Variants in MOB3B observed in about 807,000 individuals in gnomAD.
The protein encoded by MOB3B is MOB kinase activator-like 2B.
MOB3B carries 7 observed loss-of-function variants against 18.7 expected under a neutral mutation model. The ratio of observed to expected loss-of-function variants is 0.37; its 90% CI spans 0.21 to 0.70. MOB3B has a LOEUF of 0.70. Among genes scored for constraint, MOB3B ranks in the 30% least tolerant of loss-of-function variants. The pLI is 0.52. For synonymous variants in MOB3B, 111 were observed against 99.9 expected (o/e 1.11, Z -0.66); for missense variants, 253 against 281.3 (o/e 0.90, Z 0.72).
chr9:27,485,743 C>G (rs1312516354), intron 1 of MOB3B, among the ~76,000 whole-genome samples: 1 of 152,176 alleles, frequency 6.6e-6, no homozygotes, highest in East Asian at 1.9e-4. Context: ...CCCTTGTTCT[C>G]TTCTGTGTTT....
At chr9:27,368,708 G>A (rs968476425) in intron 2 of MOB3B, among the ~76,000 whole-genome samples, 2 of 152,134 alleles carry the variant, frequency 1.3e-5, no homozygotes, top group African/African-American at 4.8e-5. Flanking sequence ...TATCATGGTG[G>A]TTGGGCCAAA....
At chr9:27,415,138 G>A (rs2131405544) in intron 2 of MOB3B, among the ~76,000 whole-genome samples, 1 of 152,270 alleles carries the variant, frequency 6.6e-6, no homozygotes, top group East Asian at 1.9e-4. Context: ...TAGGATTACA[G>A]GTGTGAGCCA....
intron 3 of MOB3B, among the ~76,000 whole-genome samples, chr9:27,343,595 A>G (rs1028315975): frequency 2.6e-5 from 4 of 151,656 alleles, no homozygotes; most frequent in African/African-American, 4.8e-5. Flanking sequence ...TGAAAACAAT[A>G]TGAATTTTAC....
intron 2 of MOB3B, among the ~76,000 whole-genome samples, chr9:27,433,401 G>C (rs1822445879): frequency 6.6e-6 from 1 of 152,146 alleles, no homozygotes; most frequent in Non-Finnish European, 1.5e-5. Flanking sequence ...AAGCAGCCAT[G>C]AATTAAGCCA....
intron 3 of MOB3B, among the ~76,000 whole-genome samples, chr9:27,355,598 T>C (rs1446611863): frequency 6.6e-6 from 1 of 151,358 alleles, no homozygotes; most frequent in Non-Finnish European, 1.5e-5. Context: ...CTCGCTCTTT[T>C]GCCCAGGCCG....
intron 2 of MOB3B, among the ~76,000 whole-genome samples, chr9:27,407,719 A>G (rs1822003957): frequency 6.6e-6 from 1 of 152,090 alleles, no homozygotes; most frequent in South Asian, 2.1e-4. Context: ...TGAAACCAGA[A>G]ACTCCCAGGC....
At chr9:27,385,027 A>G (rs761919248) in intron 2 of MOB3B, among the ~76,000 whole-genome samples, 73 of 152,336 alleles carry the variant, frequency 4.8e-4, no homozygotes, top group Non-Finnish European at 8.1e-4. Context: ...GGATGGAGAT[A>G]GGCACCTTAT....
chr9:27,473,515 G>A (rs1819505306), intron 1 of MOB3B, among the ~76,000 whole-genome samples: 1 of 152,048 alleles, frequency 6.6e-6, no homozygotes, highest in African/African-American at 2.4e-5. Flanking sequence ...AGAGCTAGTC[G>A]CTAAACTAAT....
intron 3 of MOB3B, among the ~76,000 whole-genome samples, chr9:27,335,040 C>T (rs908323126): frequency 1.3e-5 from 2 of 152,130 alleles, no homozygotes; most frequent in Non-Finnish European, 1.5e-5. Context: ...CTCCTGACCT[C>T]GTGATCCGCC....
At chr9:27,519,663 T>A (rs1393297095) in intron 1 of MOB3B, among the ~76,000 whole-genome samples, 1 of 152,152 alleles carries the variant, frequency 6.6e-6, no homozygotes, top group Non-Finnish European at 1.5e-5. Flanking sequence ...GAGAGGAGCA[T>A]GACATGAGGC....
At chr9:27,337,250 T>C (rs1172108611) in intron 3 of MOB3B, among the ~76,000 whole-genome samples, 1 of 152,260 alleles carries the variant, frequency 6.6e-6, no homozygotes, top group Non-Finnish European at 1.5e-5. Flanking sequence ...AAGAGGGCTT[T>C]CTGGAAGCCT....
At chr9:27,419,996 A>C (rs1822214836) in intron 2 of MOB3B, among the ~76,000 whole-genome samples, 1 of 152,224 alleles carries the variant, frequency 6.6e-6, no homozygotes, top group Admixed American at 6.5e-5. Context: ...TGGGCTAAGC[A>C]CATGAATAGA....
intron 1 of MOB3B, among the ~76,000 whole-genome samples, chr9:27,511,960 A>G (rs1395048671): frequency 6.6e-6 from 1 of 151,978 alleles, no homozygotes; most frequent in Non-Finnish European, 1.5e-5. Flanking sequence ...AGCTGTGGCC[A>G]TGTGACTAAG....
intron 2 of MOB3B, among the ~76,000 whole-genome samples, chr9:27,409,435 A>G (rs1822032556): frequency 6.6e-6 from 1 of 152,248 alleles, no homozygotes; most frequent in Non-Finnish European, 1.5e-5. Context: ...AAAAATAACA[A>G]GTATTGGCAA....
At chr9:27,392,964 G>A (rs565001966) in intron 2 of MOB3B, among the ~76,000 whole-genome samples, 7 of 152,314 alleles carry the variant, frequency 4.6e-5, no homozygotes, top group Non-Finnish European at 7.3e-5. Flanking sequence ...TTGGACTTGA[G>A]ACAGACTTGA....
rs894246639 is a variant in MOB3B, at chr9:27,472,721, A to G, written c.-198-16973T>C. ...AAAAAAAAAAGAGCTCCCTGAGTTT[A>G]AACAGTGTTTGATTTTATATAAGCA... On this transcript the variant is annotated intron_variant, in intron 1 of 3. Coordinates refer to ENST00000262244, the MANE Select transcript of MOB3B (RefSeq NM_024761.5). Among the ~76,000 whole-genome samples the G allele has an allele frequency of 5.3e-5, 8 of 151,388 alleles. No individual in the cohort carries two copies. The East Asian group carries it at 1.5e-3, about 29-fold the overall frequency.
intron 2 of MOB3B, among the ~76,000 whole-genome samples, chr9:27,433,578 C>T (rs1015547139): frequency 3.9e-5 from 6 of 152,132 alleles, no homozygotes; most frequent in African/African-American, 1.4e-4. Context: ...CCAAGGATAT[C>T]AAATGAGCCT....
chr9:27,342,187 T>C (rs73643193), intron 3 of MOB3B, among the ~76,000 whole-genome samples: 5,615 of 152,228 alleles, frequency 0.037, 356 homozygotes, highest in African/African-American at 0.13. Context: ...TGACCTCGCG[T>C]CGCACCATGC....
chr9:27,334,916 T>C (rs10967898), intron 3 of MOB3B, among the ~76,000 whole-genome samples: 49,523 of 152,126 alleles, frequency 0.33, 8,506 homozygotes, highest in East Asian at 0.46. Context: ...CTCCACCTCC[T>C]GGGGTCACGC....
Sources: allele counts gnomAD v4.1 joint callset (sites outside exome capture counted in the v4.1 genomes callset), GRCh38; gene constraint gnomAD v4.1.1; transcripts MANE v1.5; gene names NCBI Gene and HGNC (gene_info 2026-07-23, HGNC 2026-07-21).